The following DYRK1A variants were observed in gnomAD, a reference collection of about 807,000 sequenced individuals.
DYRK1A encodes dual specificity tyrosine-phosphorylation-regulated kinase 1A.
DYRK1A carries 9 observed loss-of-function variants against 79.7 expected under a neutral mutation model. The ratio of observed to expected loss-of-function variants is 0.11; its 90% CI spans 0.07 to 0.20. The LOEUF (loss-of-function observed/expected upper bound fraction) is 0.20. DYRK1A is among the 10% of genes least tolerant of loss of function. The pLI, the probability that DYRK1A is intolerant of heterozygous loss-of-function variation, is 1.00. For synonymous variants in DYRK1A, 349 were observed against 329.7 expected, an observed-to-expected ratio of 1.06 and a Z score of -0.63; for missense variants, 622 against 956.0, an observed-to-expected ratio of 0.65 and a Z score of 4.61.
At chr21:37,479,544 C>A (rs1320657045) in intron 4 of DYRK1A, among the ~76,000 whole-genome samples, 5 of 131,312 alleles carry the variant, frequency 3.8e-5, no homozygotes, top group Non-Finnish European at 7.9e-5. Flanking sequence ...TTTCCTAGTT[C>A]ATCTAGTATT....
chr21:37,480,853 CAT>C, intron 5 of DYRK1A, 27 bp downstream of exon 5: 1 of 1,545,410 alleles, frequency 6.5e-7, no homozygotes, highest in Non-Finnish European at 8.7e-7. Flanking sequence ...TGCTGAATTT[CAT>C]TAGTTAGAAA....
chr21:37,411,379 A>C (rs2050242693), intron 1 of DYRK1A, among the ~76,000 whole-genome samples: 1 of 140,252 alleles, frequency 7.1e-6, no homozygotes, highest in South Asian at 2.6e-4. Context: ...TCCCCCCCAA[A>C]AAATGACAGT....
intron 2 of DYRK1A, among the ~76,000 whole-genome samples, chr21:37,466,818 A>G (rs1272318431): frequency 5.3e-5 from 8 of 152,282 alleles, no homozygotes; most frequent in South Asian, 2.1e-4. Flanking sequence ...AAAAATACCT[A>G]TATAAGACAG....
intron 2 of DYRK1A, 119 bp from the exon 3 acceptor site, chr21:37,472,565 G>A (rs923507635): frequency 1.3e-6 from 1 of 773,280 alleles, no homozygotes; most frequent in African/African-American, 1.8e-5. Context: ...TTTGTAGTTA[G>A]AAAAGTTTTT....
intron 3 of DYRK1A, among the ~76,000 whole-genome samples, chr21:37,473,653 A>G (rs1302998661): frequency 3.9e-5 from 6 of 152,006 alleles, no homozygotes; most frequent in African/African-American, 1.2e-4. Flanking sequence ...GTCTTTTAAT[A>G]TATTGTGTGA....
chr21:37,417,506 C>CTTTTCT (rs3831374), intron 1 of DYRK1A, among the ~76,000 whole-genome samples: 1,023 of 70,252 alleles, frequency 0.015, 49 homozygotes, highest in South Asian at 0.034. Context: ...TTTTATTTTT[C>CTTTTCT]TTTTCTTTTT....
chr21:37,415,342 A>G (rs1325304741), intron 1 of DYRK1A: 3 of 152,362 alleles, frequency 2.0e-5, no homozygotes, highest in South Asian at 4.1e-4. Flanking sequence ...TTGGAGTAGT[A>G]TAATCCAGCA....
At chr21:37,509,484 T>TTAA (rs1569402744) in intron 11 of DYRK1A, among the ~76,000 whole-genome samples, 1 of 152,096 alleles carries the variant, frequency 6.6e-6, no homozygotes, top group Non-Finnish European at 1.5e-5. Flanking sequence ...TCTTGCTCTT[T>TTAA]AGCCCAGGCT....
At chr21:37,372,238 G>A (rs907089550) in intron 1 of DYRK1A, among the ~76,000 whole-genome samples, 9 of 151,562 alleles carry the variant, frequency 5.9e-5, no homozygotes, top group Non-Finnish European at 1.3e-4. Flanking sequence ...GAGGCCAGGA[G>A]TTCGAAACCA....
At chr21:37,442,941 C>T (rs2051152280) in intron 2 of DYRK1A, among the ~76,000 whole-genome samples, 1 of 152,070 alleles carries the variant, frequency 6.6e-6, no homozygotes, top group Non-Finnish European at 1.5e-5. Flanking sequence ...CTCAAGGAAT[C>T]TTCTCCTGCC....
At chr21:37,461,501 C>T (rs1009764662) in intron 2 of DYRK1A, among the ~76,000 whole-genome samples, 13 of 152,128 alleles carry the variant, frequency 8.5e-5, no homozygotes, top group Non-Finnish European at 1.9e-4. Context: ...TTGTGTGAAT[C>T]TCAGTTTCTG....
intron 1 of DYRK1A, among the ~76,000 whole-genome samples, chr21:37,391,612 T>C (rs2049871569): frequency 6.6e-6 from 1 of 152,218 alleles, no homozygotes; most frequent in Non-Finnish European, 1.5e-5. Flanking sequence ...ACCCCTTGTT[T>C]ACCTGCTCTG....
intron 2 of DYRK1A, among the ~76,000 whole-genome samples, chr21:37,469,031 T>C (rs73903993): frequency 0.073 from 11,103 of 152,194 alleles, 1,349 homozygotes; most frequent in African/African-American, 0.25. Flanking sequence ...CATTTCACGA[T>C]GTGATGTATA....
upstream of DYRK1A, chr21:37,366,266 C>T (rs1260425857): frequency 6.8e-6 from 1 of 148,128 alleles, no homozygotes; most frequent in Non-Finnish European, 1.5e-5. Flanking sequence ...TCCTCCTCCC[C>T]CTCCCCCGCC....
At chr21:37,384,638 A>G (rs969607690) in intron 1 of DYRK1A, among the ~76,000 whole-genome samples, 1 of 152,216 alleles carries the variant, frequency 6.6e-6, no homozygotes, top group Non-Finnish European at 1.5e-5. Flanking sequence ...AAAGATTACT[A>G]AATGTGTAAA....
At position 37,505,539 on chromosome 21, in the gene DYRK1A, T is replaced by C. The variant is rs1159364045; in HGVS notation, c.1469T>C (p.Met490Thr). The change falls in exon 10 of 12, where the codon ATG becomes ACG. Residue 490 changes from methionine (M) to threonine (T), a missense_variant. Met to Thr is a moderately conservative substitution (Grantham distance 81). Coordinates refer to ENST00000647188, the MANE Select transcript of DYRK1A (RefSeq NM_001347721.2). The stretch of plus-strand genomic sequence containing the variant: ...AATAGTGTATCTACAAGCCCCGCCA[T>C]GGAGCAGTCTCAGTCTTCGGGCACC... ...TSNSVSTSPA[M>T]EQSQSSGTTS... The C allele has an allele frequency of 6.2e-7, 1 of 1,611,590 alleles. No individual in the cohort carries two copies. Among genetic ancestry groups the C allele is most frequent in the Non-Finnish European group, 8.5e-7 (1 of 1,180,004 alleles).
chr21:37,438,749 A>C (rs552090664), intron 2 of DYRK1A, among the ~76,000 whole-genome samples: 3 of 152,342 alleles, frequency 2.0e-5, no homozygotes, highest in South Asian at 4.1e-4. Flanking sequence ...TAATGCAATC[A>C]GGTAGTCTTA....
chr21:37,403,684 TG>T (rs1337593873), intron 1 of DYRK1A, among the ~76,000 whole-genome samples: 1 of 149,206 alleles, frequency 6.7e-6, no homozygotes, highest in Non-Finnish European at 1.5e-5. Context: ...TGTGTGTGTG[TG>T]TGTGTGTGTG....
chr21:37,473,968 C>G (rs1420995885), intron 3 of DYRK1A, among the ~76,000 whole-genome samples: 2 of 152,150 alleles, frequency 1.3e-5, no homozygotes, highest in Admixed American at 6.5e-5. Flanking sequence ...AATAATAACA[C>G]GATGATCCAT....
Sources: gnomAD v4.1 joint callset for allele counts (sites outside exome capture counted in the v4.1 genomes callset) on GRCh38, gnomAD v4.1.1 for gene constraint, MANE v1.5 for transcripts, NCBI Gene and HGNC (gene_info 2026-07-23, HGNC 2026-07-21) for gene names.